LRP1B: variants seen among roughly 807,000 people sequenced by gnomAD.
LRP1B encodes low-density lipoprotein receptor-related protein 1B.
Under a neutral mutation model 556.6 loss-of-function variants are expected in LRP1B, and 217 were observed. That is an observed-to-expected ratio of 0.39 (90% CI 0.35 to 0.44). The LOEUF (loss-of-function observed/expected upper bound fraction) is 0.44. Ranked by LOEUF, LRP1B falls within the 20% of genes least tolerant of loss-of-function variation. LRP1B has a pLI of 1.00. For synonymous variants in LRP1B, 2,047 were observed against 1,865.8 expected (o/e 1.10, Z -2.50); for missense variants, 5,053 against 5,620.8 (o/e 0.90, Z 3.23).
At chr2:140,467,635 T>C (rs112910044) in intron 60 of LRP1B, among the ~76,000 whole-genome samples, 2,156 of 132,782 alleles carry the variant, frequency 0.016, 59 homozygotes, top group African/African-American at 0.052. Flanking sequence ...AAAAAAAAAG[T>C]CTTAAAAGGT....
intron 77 of LRP1B, among the ~76,000 whole-genome samples, chr2:140,337,424 A>C (rs1681156897): frequency 6.6e-6 from 1 of 151,964 alleles, no homozygotes; most frequent in Non-Finnish European, 1.5e-5. Context: ...TTTAGAATAT[A>C]AATATTTGTC....
At chr2:142,053,588 G>C (rs973292882) in intron 1 of LRP1B, among the ~76,000 whole-genome samples, 1 of 152,094 alleles carries the variant, frequency 6.6e-6, no homozygotes, top group East Asian at 1.9e-4. Flanking sequence ...GTTCAAGCTG[G>C]AACACTGAAC....
intron 1 of LRP1B, among the ~76,000 whole-genome samples, chr2:141,857,081 G>T (rs1422393804): frequency 6.6e-6 from 1 of 151,944 alleles, no homozygotes; most frequent in African/African-American, 2.4e-5. Context: ...CTACCACAGG[G>T]CCTGTTGTAT....
At chr2:141,133,658 T>C (rs955855877) in intron 7 of LRP1B, among the ~76,000 whole-genome samples, 1 of 152,052 alleles carries the variant, frequency 6.6e-6, no homozygotes. Context: ...TGTAAATGCT[T>C]ACAAAGCCAT....
chr2:141,878,827 G>A (rs1304723717), intron 1 of LRP1B, among the ~76,000 whole-genome samples: 1 of 151,566 alleles, frequency 6.6e-6, no homozygotes, highest in Non-Finnish European at 1.5e-5. Context: ...TTTTATTTAT[G>A]GGACAGAAGG....
At chr2:140,811,048 T>C (rs947342772) in intron 32 of LRP1B, among the ~76,000 whole-genome samples, 8 of 152,170 alleles carry the variant, frequency 5.3e-5, no homozygotes, top group African/African-American at 1.9e-4. Flanking sequence ...AGGTTTTTTT[T>C]TGTTTTTGTT....
chr2:141,278,122 T>C (rs917477663), intron 3 of LRP1B, among the ~76,000 whole-genome samples: 2 of 152,164 alleles, frequency 1.3e-5, no homozygotes, highest in Non-Finnish European at 2.9e-5. Flanking sequence ...AAATTTCCTT[T>C]CTTAGACTCA....
chr2:140,653,092 T>A (rs544427231), intron 41 of LRP1B, among the ~76,000 whole-genome samples: 18 of 152,164 alleles, frequency 1.2e-4, no homozygotes, highest in African/African-American at 3.6e-4. Context: ...ATAGAAAGGA[T>A]GTAGGAAACA....
Position 141,547,726 on chromosome 2 carries a change from A to G in LRP1B, c.206-67193T>C, listed in dbSNP as rs947195582. Reference sequence around the variant, plus strand: ...TCACCTTCCATGTAGCTGTACTTTCATAATCTCCTCAATGATCCCTTCTTT... The same window carrying G: ...TCACCTTCCATGTAGCTGTACTTTCGTAATCTCCTCAATGATCCCTTCTTT... On this transcript the variant is annotated intron_variant, in intron 2 of 90. Coordinates refer to ENST00000389484, the MANE Select transcript of LRP1B (RefSeq NM_018557.3). Among the ~76,000 whole-genome samples the G allele has an allele frequency of 2.6e-5, 4 of 152,108 alleles. No individual in the cohort carries two copies. The East Asian group carries it at 7.7e-4, about 29-fold the overall frequency.
intron 2 of LRP1B, among the ~76,000 whole-genome samples, chr2:141,548,938 C>T (rs964849254): frequency 6.6e-6 from 1 of 151,150 alleles, no homozygotes; most frequent in Non-Finnish European, 1.5e-5. Flanking sequence ...TCTTTTTAAA[C>T]GTTGCTGGTT....
chr2:140,384,210 A>T (rs1036661457), intron 67 of LRP1B, among the ~76,000 whole-genome samples: 3 of 152,182 alleles, frequency 2.0e-5, no homozygotes, highest in African/African-American at 7.2e-5. Flanking sequence ...TCCTTCCGTT[A>T]TAAGGCATTT....
At chr2:142,125,834 C>T (rs144119592) in intron 1 of LRP1B, among the ~76,000 whole-genome samples, 4 of 151,958 alleles carry the variant, frequency 2.6e-5, no homozygotes, top group Middle Eastern at 3.4e-3. Flanking sequence ...ACTCTCCCCC[C>T]TCCTCTGCCA....
At chr2:140,933,421 G>A (rs1052569266) in intron 20 of LRP1B, among the ~76,000 whole-genome samples, 9 of 152,014 alleles carry the variant, frequency 5.9e-5, no homozygotes, top group African/African-American at 1.9e-4. Context: ...TTGTCTCCAT[G>A]TTGTTTATTT....
At chr2:141,765,251 T>C (rs1243153460) in intron 2 of LRP1B, among the ~76,000 whole-genome samples, 1 of 152,368 alleles carries the variant, frequency 6.6e-6, no homozygotes, top group South Asian at 2.1e-4. Context: ...ACATTTAAGA[T>C]ATTTTAAAAT....
intron 3 of LRP1B, among the ~76,000 whole-genome samples, chr2:141,324,199 C>G (rs1254775313): frequency 6.6e-6 from 1 of 152,014 alleles, no homozygotes; most frequent in Non-Finnish European, 1.5e-5. Context: ...CACATACACA[C>G]ATACCTGAAC....
intron 17 of LRP1B, among the ~76,000 whole-genome samples, chr2:140,987,722 C>T (rs1043476690): frequency 1.3e-5 from 2 of 152,092 alleles, no homozygotes; most frequent in Non-Finnish European, 2.9e-5. Context: ...TGGTGGCTCA[C>T]ACCTGCAATC....
At chr2:141,584,363 C>T (rs1014900637) in intron 2 of LRP1B, among the ~76,000 whole-genome samples, 23 of 152,164 alleles carry the variant, frequency 1.5e-4, no homozygotes, top group South Asian at 2.1e-4. Flanking sequence ...TCCTTGATGT[C>T]TCTTATAGAA....
At chr2:141,130,048 T>C (rs1207804896) in intron 7 of LRP1B, among the ~76,000 whole-genome samples, 2 of 151,986 alleles carry the variant, frequency 1.3e-5, no homozygotes, top group South Asian at 4.1e-4. Flanking sequence ...ATTAAAGTAC[T>C]TCAAAAAATG....
chr2:141,796,820 AT>A (rs1340980082), intron 2 of LRP1B, among the ~76,000 whole-genome samples: 3 of 150,916 alleles, frequency 2.0e-5, no homozygotes, highest in East Asian at 1.9e-4. Context: ...TTTGGGAGGA[AT>A]TTTTTTTTGT....
Sources: allele counts gnomAD v4.1 joint callset (sites outside exome capture counted in the v4.1 genomes callset), GRCh38; gene constraint gnomAD v4.1.1; transcripts MANE v1.5; gene names NCBI Gene and HGNC (gene_info 2026-07-23, HGNC 2026-07-21).